The following LAMA2 variants were observed in gnomAD, a reference collection of about 807,000 sequenced individuals.
LAMA2 encodes laminin subunit alpha-2.
In LAMA2, 269 loss-of-function variants were observed where a neutral mutation model predicts 364.8. That is an observed-to-expected ratio of 0.74 (90% CI 0.67 to 0.82). The LOEUF (loss-of-function observed/expected upper bound fraction) is 0.82, where lower values mean the gene tolerates loss of function less well. LAMA2 is among the 40% of genes least tolerant of loss of function. LAMA2 has a pLI of 0.00. For missense variants in LAMA2, 3,807 were observed against 3,873.2 expected (o/e 0.98, Z 0.45); for synonymous variants, 1,379 against 1,370.6 (o/e 1.01, Z -0.14).
chr6:129,196,678 G>A (rs1388710951), intron 12 of LAMA2, among the ~76,000 whole-genome samples: 2 of 151,948 alleles, frequency 1.3e-5, no homozygotes, highest in Admixed American at 6.6e-5. Context: ...TTTAAATCTT[G>A]GATTAAATGG....
intron 13 of LAMA2, among the ~76,000 whole-genome samples, chr6:129,251,273 G>T (rs1215317938): frequency 6.6e-6 from 1 of 151,868 alleles, no homozygotes; most frequent in Non-Finnish European, 1.5e-5. Flanking sequence ...GTCCTATTTT[G>T]AGAATTAGAC....
At chr6:128,885,999 G>T (rs1427490870) in intron 1 of LAMA2, among the ~76,000 whole-genome samples, 1 of 152,178 alleles carries the variant, frequency 6.6e-6, no homozygotes, top group Non-Finnish European at 1.5e-5. Context: ...GAAGCATAAT[G>T]GCAGGTAAAT....
chr6:129,092,180 GACCTTC>G (rs1438547548), intron 3 of LAMA2, among the ~76,000 whole-genome samples: 6 of 152,220 alleles, frequency 3.9e-5, no homozygotes, highest in Admixed American at 3.9e-4. Flanking sequence ...ACTCACCACA[GACCTTC>G]CAGAAAAATG....
chr6:129,462,834 G>A (rs963384501), intron 49 of LAMA2, among the ~76,000 whole-genome samples: 1 of 152,072 alleles, frequency 6.6e-6, no homozygotes. Context: ...CTAAAGAGCA[G>A]GAGTGATTTC....
chr6:129,020,840 G>C (rs1297057103), intron 1 of LAMA2, among the ~76,000 whole-genome samples: 3 of 152,158 alleles, frequency 2.0e-5, no homozygotes, highest in Non-Finnish European at 4.4e-5. Flanking sequence ...AGGCAAGTCA[G>C]AGAGAACTTG....
At chr6:129,365,507 G>A (rs1190553951) in intron 32 of LAMA2, among the ~76,000 whole-genome samples, 1 of 151,774 alleles carries the variant, frequency 6.6e-6, no homozygotes, top group African/African-American at 2.4e-5. Flanking sequence ...AGACTACAGG[G>A]GCCCGCCACC....
intron 17 of LAMA2, among the ~76,000 whole-genome samples, chr6:129,277,751 T>C (rs1176474001): frequency 6.6e-6 from 1 of 152,318 alleles, no homozygotes; most frequent in East Asian, 1.9e-4. Context: ...AAAAGTATTC[T>C]GAACTGTAAG....
intron 9 of LAMA2, among the ~76,000 whole-genome samples, chr6:129,168,879 A>G (rs1414744765): frequency 6.8e-6 from 1 of 147,256 alleles, no homozygotes; most frequent in Non-Finnish European, 1.5e-5. Context: ...GAGGTCCTTC[A>G]CATCCCTTGT....
At chr6:129,279,479 G>A (rs1341191841) in intron 17 of LAMA2, among the ~76,000 whole-genome samples, 1 of 152,162 alleles carries the variant, frequency 6.6e-6, no homozygotes, top group African/African-American at 2.4e-5. Context: ...TTAGGTTTAT[G>A]ATAAGTTTAG....
chr6:129,514,378 GT>G lies in LAMA2; in HGVS notation c.8997del (p.His3000MetfsTer79), dbSNP rs1786855913. On this transcript the variant is annotated frameshift_variant, in exon 64 of 65. Transcript: ENST00000421865. LOFTEE classifies it high-confidence loss of function. ...TTCTATTTCCTACTTTCCAGTTGAT[GT>G]TTCATGTGGACAATGGTGCGGGCAG... The part of the protein sequence containing the change: ...GIEMIDEKLM[F>X]HVDNGAGRFT... 6.2e-7 allele frequency: 1 copy of G among 1,611,592 alleles called. No homozygotes were observed. Among genetic ancestry groups the G allele is most frequent in the African/African-American group, 1.3e-5 (1 of 74,884 alleles).
chr6:129,325,580 C>T (rs550671365), intron 28 of LAMA2, among the ~76,000 whole-genome samples: 51 of 151,498 alleles, frequency 3.4e-4, no homozygotes, highest in Admixed American at 9.9e-4. Context: ...CTAATCTTTG[C>T]GTTGTCAAAT....
At chr6:129,292,195 A>C (rs2114434119) in intron 20 of LAMA2, among the ~76,000 whole-genome samples, 1 of 152,174 alleles carries the variant, frequency 6.6e-6, no homozygotes, top group South Asian at 2.1e-4. Flanking sequence ...AAACTACAAA[A>C]ATCAGCCAGG....
At chr6:129,165,535 T>C (rs773886798) in intron 8 of LAMA2, 41 bp from the exon 9 acceptor site, 5 of 1,360,772 alleles carry the variant, frequency 3.7e-6, no homozygotes, top group East Asian at 2.3e-5. Context: ...TATTGCTGTT[T>C]CTATTACACT....
chr6:129,394,677 C>T (rs6914003), intron 37 of LAMA2, among the ~76,000 whole-genome samples: 28,963 of 151,020 alleles, frequency 0.19, 2,867 homozygotes, highest in South Asian at 0.26. Context: ...GAAGGTGCAC[C>T]TGTCTATTTT....
In LAMA2 at chr6:129,486,628, A is replaced by G; in HGVS notation, c.7898+6A>G. ...CATGTAGAGCGAACTAGAGGGTAAC[A>G]ATAGCACTAAAATATTTATTATTGT... On this transcript the variant is annotated splice_donor_region_variant and intron_variant, in intron 56 of 64. Transcript: ENST00000421865. 6.2e-7 allele frequency: 1 copy of G among 1,611,990 alleles called. No individual in the cohort carries two copies. Among genetic ancestry groups the G allele is most frequent in the Non-Finnish European group, 8.5e-7 (1 of 1,178,138 alleles).
At chr6:129,512,221 A>T in intron 62 of LAMA2, 142 bp from the exon 63 acceptor site, 1 of 752,466 alleles carries the variant, frequency 1.3e-6, no homozygotes, top group South Asian at 1.8e-5. Flanking sequence ...AAGATAGGCC[A>T]GGCAGGATCT....
At chr6:129,053,356 C>T (rs1242228465) in intron 2 of LAMA2, among the ~76,000 whole-genome samples, 1 of 152,124 alleles carries the variant, frequency 6.6e-6, no homozygotes, top group African/African-American at 2.4e-5. Context: ...TGAGCCACTG[C>T]GCCCGGCCGA....
intron 49 of LAMA2, 106 bp downstream of exon 49, chr6:129,460,430 G>C (rs139323277): frequency 1.7e-6 from 2 of 1,184,526 alleles, no homozygotes; most frequent in Admixed American, 3.4e-5. Context: ...GAGCAGGTTT[G>C]AAAGGATTAT....
chr6:129,248,255 C>T (rs1408980771), intron 12 of LAMA2, among the ~76,000 whole-genome samples: 1 of 152,188 alleles, frequency 6.6e-6, no homozygotes, highest in South Asian at 2.1e-4. Context: ...GAAAAATTGT[C>T]TTCCACGAAA....
Sources: allele counts gnomAD v4.1 joint callset (sites outside exome capture counted in the v4.1 genomes callset), GRCh38; gene constraint gnomAD v4.1.1; transcripts MANE v1.5; gene names NCBI Gene and HGNC (gene_info 2026-07-23, HGNC 2026-07-21).